Variants in ITGA8 observed in about 807,000 individuals in gnomAD.
ITGA8 encodes integrin alpha-8.
Under a neutral mutation model 142.3 loss-of-function variants are expected in ITGA8, and 91 were observed. The observed-to-expected ratio is 0.64, with a 90% CI of 0.54 to 0.76. The LOEUF (loss-of-function observed/expected upper bound fraction) is 0.76. Ranked by LOEUF, ITGA8 falls within the 30% of genes least tolerant of loss-of-function variation. ITGA8 has a pLI of 0.00. For missense variants in ITGA8, 1,406 were observed against 1,327.7 expected, an observed-to-expected ratio of 1.06 and a Z score of -0.92; for synonymous variants, 505 against 485.2, an observed-to-expected ratio of 1.04 and a Z score of -0.54.
intron 11 of ITGA8, among the ~76,000 whole-genome samples, chr10:15,650,523 C>T (rs1834066054): frequency 6.6e-6 from 1 of 152,164 alleles, no homozygotes; most frequent in East Asian, 1.9e-4. Flanking sequence ...CCTGGCACCA[C>T]CTCAGGACTT....
intron 2 of ITGA8, among the ~76,000 whole-genome samples, chr10:15,713,361 A>G (rs1317160597): frequency 6.6e-6 from 1 of 152,164 alleles, no homozygotes. Context: ...TTTTCTGAGT[A>G]GCAAAACTTA....
At chr10:15,586,416 G>A (rs1832833986) in intron 23 of ITGA8, among the ~76,000 whole-genome samples, 168 bp downstream of exon 23, 1 of 152,062 alleles carries the variant, frequency 6.6e-6, no homozygotes, top group Admixed American at 6.6e-5. Context: ...GGTTTACTCT[G>A]CTTTCCAATG....
chr10:15,545,415 C>G (rs1833650117), intron 27 of ITGA8, among the ~76,000 whole-genome samples: 1 of 152,206 alleles, frequency 6.6e-6, no homozygotes, highest in Non-Finnish European at 1.5e-5. Context: ...AGCTTCCAAA[C>G]CCAGTGCTTT....
intron 3 of ITGA8, among the ~76,000 whole-genome samples, chr10:15,684,357 G>C (rs1423440261): frequency 3.3e-5 from 5 of 151,522 alleles, no homozygotes; most frequent in African/African-American, 4.8e-5. Context: ...AAAAAAATGA[G>C]TTTTCTGACA....
At position 15,719,761 on chromosome 10, in the gene ITGA8, C is replaced by G; in HGVS notation, c.11G>C (p.Gly4Ala). Residue 4 changes from glycine (G) to alanine (A), a missense_variant, in exon 1 of 30, where the codon GGG becomes GCG. Coordinates refer to ENST00000378076, the MANE Select transcript of ITGA8 (RefSeq NM_003638.3). MSP[G>A]ASRGPRGSQA... ...GCTTCCCCGGGGACCGCGGCTGGCC[C>G]CGGGCGACATCTCCCTCCGCCCCGG... is the stretch of plus-strand genomic sequence containing the variant. 1 of 1,352,758 alleles carries G rather than the reference C, an allele frequency of 7.4e-7. No individual in the cohort carries two copies. The highest frequency in any genetic ancestry group is 9.4e-7 in the Non-Finnish European group (1 of 1,060,992). The allele number at this position is 1,352,758 out of a possible 1,614,324, so 83.8% of individuals were successfully genotyped here.
intron 28 of ITGA8, among the ~76,000 whole-genome samples, chr10:15,527,143 A>G (rs1205252157): frequency 1.3e-5 from 2 of 152,232 alleles, no homozygotes; most frequent in Admixed American, 1.3e-4. Context: ...AAATAATAAC[A>G]TGAGGTGTAC....
At chr10:15,565,912 A>ATG (rs200332018) in intron 25 of ITGA8, among the ~76,000 whole-genome samples, 5 of 151,728 alleles carry the variant, frequency 3.3e-5, no homozygotes, top group Admixed American at 6.6e-5. Flanking sequence ...TTTTAAGGGT[A>ATG]TGTGTGTGTG....
intron 7 of ITGA8, among the ~76,000 whole-genome samples, chr10:15,672,010 A>T (rs529766920): frequency 5.3e-5 from 8 of 152,148 alleles, no homozygotes; most frequent in Non-Finnish European, 1.0e-4. Flanking sequence ...ATAATGAGAC[A>T]GAATACTCTG....
intron 2 of ITGA8, among the ~76,000 whole-genome samples, chr10:15,705,133 ATCT>A (rs1564417526): frequency 1.3e-5 from 2 of 152,086 alleles, no homozygotes; most frequent in East Asian, 3.9e-4. Context: ...TCTATGGGAG[ATCT>A]TCTTAAATCC....
At chr10:15,552,373 C>T (rs1166087935) in intron 26 of ITGA8, among the ~76,000 whole-genome samples, 2 of 152,076 alleles carry the variant, frequency 1.3e-5, no homozygotes, top group African/African-American at 2.4e-5. Flanking sequence ...CTCCTGACCT[C>T]GTGATCCACC....
In ITGA8 at chr10:15,605,916, C is replaced by T. The variant is rs1354238600; in HGVS notation, c.1903-125G>A. The T allele has an allele frequency of 5.1e-6, 4 of 787,956 alleles. No homozygotes were observed. In the African/African-American group the frequency reaches 5.2e-5, roughly 10 times the overall value. The allele number at this position is 787,956 out of a possible 1,614,324, so 48.8% of individuals were successfully genotyped here. A position where few individuals can be genotyped will look rare whatever the true frequency, so the allele number is the denominator to read the frequency against. On this transcript the variant is annotated intron_variant, in intron 18 of 29. Transcript: ENST00000378076. ...TTCCTCTCACTATGCATGACTCTAC[C>T]CAAGCCAATAGCCTACATTTCACAG...
chr10:15,660,781 T>C, intron 9 of ITGA8, 98 bp downstream of exon 9: 3 of 973,172 alleles, frequency 3.1e-6, no homozygotes, highest in Non-Finnish European at 4.8e-6. Context: ...CAACTGACAG[T>C]ATTTTCAATT....
At chr10:15,531,704 G>A (rs559031951) in intron 27 of ITGA8, among the ~76,000 whole-genome samples, 68 of 152,102 alleles carry the variant, frequency 4.5e-4, no homozygotes, top group Admixed American at 7.9e-4. Context: ...TTGGGAGGCC[G>A]AGGCCGGTGG....
Position 15,548,493 on chromosome 10 carries a change from T to G in ITGA8, c.2842A>C (p.Lys948Gln). The G allele has an allele frequency of 6.2e-7, 1 of 1,606,176 alleles. No individual in the cohort carries two copies. Among genetic ancestry groups the G allele is most frequent in the Non-Finnish European group, 8.5e-7 (1 of 1,177,844 alleles). ...TGGGCCCATAATCGTGACCTGACTT[T>G]CAGGACTGCGCTTTCTCCTCCTTCG... ...RLEGGESAVL[K>Q]VRSRLWAHTF... Residue 948 changes from lysine to glutamine, a missense_variant, in exon 27 of 30, where the codon AAA (lysine) becomes CAA (glutamine). Physicochemically the swap from Lys to Gln is moderately conservative, Grantham distance 53. Transcript: ENST00000378076.
intron 26 of ITGA8, among the ~76,000 whole-genome samples, chr10:15,551,372 AAAGAG>A (rs1833790808): frequency 6.6e-6 from 1 of 152,154 alleles, no homozygotes. Flanking sequence ...CAAATGGCAG[AAAGAG>A]AACCAGGAGG....
intron 25 of ITGA8, among the ~76,000 whole-genome samples, chr10:15,566,960 C>A (rs1295166082): frequency 6.7e-6 from 1 of 148,730 alleles, no homozygotes; most frequent in African/African-American, 2.4e-5. Flanking sequence ...GGGTTCGAGA[C>A]CAGCCTGGCC....
In ITGA8 at chr10:15,586,670, A is replaced by G. The variant is rs371680673; in HGVS notation, c.2292-6T>C. 1.0e-5 allele frequency: 16 copies of G among 1,557,982 alleles called. No individual in the cohort carries two copies. The African/African-American group carries it at 2.2e-4, about 21-fold the overall frequency. On this transcript the variant is annotated splice_region_variant and splice_polypyrimidine_tract_variant and intron_variant, in intron 22 of 29. Coordinates refer to ENST00000378076, the MANE Select transcript of ITGA8 (RefSeq NM_003638.3). ...CTGGATTGTCCTTGTTGGAACTAAA[A>G]CACAAGGACATGTGATTTAAATCTA... is the stretch of plus-strand genomic sequence containing the variant.
chr10:15,587,398 G>A (rs1480354261), intron 22 of ITGA8, among the ~76,000 whole-genome samples: 2 of 152,150 alleles, frequency 1.3e-5, no homozygotes, highest in African/African-American at 4.8e-5. Context: ...GAGAAGAACT[G>A]GCATGAATAA....
chr10:15,651,999 A>T (rs780073924), intron 11 of ITGA8, among the ~76,000 whole-genome samples: 6 of 152,192 alleles, frequency 3.9e-5, no homozygotes, highest in Admixed American at 6.5e-5. Flanking sequence ...TAATGGAAAT[A>T]TCCTTCAATG....
Sources: allele counts gnomAD v4.1 joint callset (sites outside exome capture counted in the v4.1 genomes callset), GRCh38; gene constraint gnomAD v4.1.1; transcripts MANE v1.5; gene names NCBI Gene and HGNC (gene_info 2026-07-23, HGNC 2026-07-21).